Variants in CACNA1C observed in about 807,000 individuals in gnomAD.
CACNA1C encodes calcium voltage-gated channel subunit alpha1 C, also known as voltage-dependent L-type calcium channel subunit alpha-1C.
CACNA1C carries 30 observed loss-of-function variants against 229.0 expected under a neutral mutation model. That is an observed-to-expected ratio of 0.13 (90% CI 0.10 to 0.18). The LOEUF is 0.18. CACNA1C is among the 10% of genes least tolerant of loss of function. CACNA1C has a pLI of 1.00. For missense variants in CACNA1C, 1,658 were observed against 2,845.0 expected, an observed-to-expected ratio of 0.58 and a Z score of 9.49; for synonymous variants, 1,114 against 1,132.5, an observed-to-expected ratio of 0.98 and a Z score of 0.33.
intron 3 of CACNA1C, among the ~76,000 whole-genome samples, chr12:2,302,804 T>A (rs1251204343): frequency 6.6e-6 from 1 of 152,212 alleles, no homozygotes; most frequent in African/African-American, 2.4e-5. Context: ...ATGAGAAGAA[T>A]GGTATTTTGG....
At chr12:2,345,774 T>C (rs73605779) in intron 3 of CACNA1C, among the ~76,000 whole-genome samples, 3,062 of 152,224 alleles carry the variant, frequency 0.02, 112 homozygotes, top group African/African-American at 0.07. Flanking sequence ...GGTGACTGAA[T>C]GGGGTGGGTC....
At chr12:2,623,040 A>G (rs530330703) in intron 29 of CACNA1C, among the ~76,000 whole-genome samples, 49 of 152,278 alleles carry the variant, frequency 3.2e-4, no homozygotes, top group African/African-American at 1.2e-3. Context: ...GAAATGCCTT[A>G]AAATCTTTTG....
chr12:2,608,410 T>G lies in CACNA1C; in HGVS notation c.3357-101T>G. 1 of 876,310 alleles carries G rather than the reference T, an allele frequency of 1.1e-6. No homozygotes were observed. Among genetic ancestry groups the G allele is most frequent in the Non-Finnish European group, 1.7e-6 (1 of 573,146 alleles). The allele number at this position is 876,310 out of a possible 1,614,324, so 54.3% of individuals were successfully genotyped here. Reference sequence around the variant, plus strand: ...GGGACTCCAGCCCAGAGCTGTCTCCTGCACCCTGATCCCTGGGATCCCTGG... The same window carrying G: ...GGGACTCCAGCCCAGAGCTGTCTCCGGCACCCTGATCCCTGGGATCCCTGG... On this transcript the variant is annotated intron_variant, in intron 26 of 46. Coordinates refer to ENST00000399655, the MANE Select transcript of CACNA1C (RefSeq NM_000719.7). The surrounding 1 kb of genome is among the most constrained non-coding windows in gnomAD (Gnocchi z 4.2).
chr12:2,243,390 C>G (rs900644943), intron 3 of CACNA1C, among the ~76,000 whole-genome samples: 9 of 152,200 alleles, frequency 5.9e-5, no homozygotes, highest in African/African-American at 2.2e-4. Context: ...CAAAGCTGGG[C>G]TGTGCCTGAG....
At chr12:2,491,972 C>G (rs2099736102) in intron 6 of CACNA1C, among the ~76,000 whole-genome samples, 1 of 148,876 alleles carries the variant, frequency 6.7e-6, no homozygotes, top group Non-Finnish European at 1.5e-5. Context: ...TTCTCTCTCT[C>G]TCTCTCTCTC....
chr12:2,129,755 C>G (rs1434962277), intron 3 of CACNA1C, among the ~76,000 whole-genome samples: 1 of 152,162 alleles, frequency 6.6e-6, no homozygotes, highest in Admixed American at 6.5e-5. Context: ...GGTCCCGGAA[C>G]GTCCTGACCT....
chr12:2,298,344 G>A (rs1397706677), intron 3 of CACNA1C, among the ~76,000 whole-genome samples: 1 of 151,890 alleles, frequency 6.6e-6, no homozygotes, highest in Non-Finnish European at 1.5e-5. Context: ...CTGTTGCCAG[G>A]CTGGAGTGCA....
intron 29 of CACNA1C, among the ~76,000 whole-genome samples, chr12:2,620,308 C>G (rs1180464599): frequency 6.6e-6 from 1 of 152,074 alleles, no homozygotes; most frequent in Admixed American, 6.5e-5. Context: ...TTGTAAAAAT[C>G]CTGGGATTCT....
At chr12:2,234,008 G>A (rs2066339368) in intron 3 of CACNA1C, among the ~76,000 whole-genome samples, 1 of 152,062 alleles carries the variant, frequency 6.6e-6, no homozygotes, top group Non-Finnish European at 1.5e-5. Flanking sequence ...AATACAATCT[G>A]GCATTATTCC....
chr12:2,398,601 C>T (rs1223673574), intron 3 of CACNA1C, among the ~76,000 whole-genome samples: 2 of 152,180 alleles, frequency 1.3e-5, no homozygotes, highest in Non-Finnish European at 2.9e-5. Context: ...GAGTTGTCAT[C>T]ATTGACTGAG....
At chr12:2,368,501 A>C (rs189271410) in intron 3 of CACNA1C, among the ~76,000 whole-genome samples, 156 of 152,362 alleles carry the variant, frequency 1.0e-3, no homozygotes, top group African/African-American at 3.2e-3. Context: ...TGGAAAATAA[A>C]ATGGAAAAGA....
At chr12:2,641,787 G>T in intron 30 of CACNA1C, 1 of 702,260 alleles carries the variant, frequency 1.4e-6, no homozygotes, top group Non-Finnish European at 2.6e-6. Flanking sequence ...TGACCCCTGA[G>T]TGGGGAGATT....
intron 3 of CACNA1C, among the ~76,000 whole-genome samples, chr12:2,252,184 T>C (rs2075824106): frequency 1.3e-5 from 2 of 152,184 alleles, no homozygotes; most frequent in Non-Finnish European, 2.9e-5. Context: ...TTAAAATGAG[T>C]GCTGTAACCC....
At chr12:2,640,606 A>G (rs892355826) in intron 30 of CACNA1C, among the ~76,000 whole-genome samples, 1 of 152,120 alleles carries the variant, frequency 6.6e-6, no homozygotes, top group African/African-American at 2.4e-5. Context: ...GACTGGGAGG[A>G]GGGGGGCCAG....
intron 3 of CACNA1C, among the ~76,000 whole-genome samples, chr12:2,409,069 A>G (rs2098774835): frequency 1.3e-5 from 2 of 152,188 alleles, no homozygotes; most frequent in South Asian, 4.1e-4. Flanking sequence ...TTGTCCTGTT[A>G]GTGTCTTCAG....
intron 4 of CACNA1C, among the ~76,000 whole-genome samples, chr12:2,450,353 G>A (rs181551736): frequency 0.015 from 2,205 of 151,946 alleles, 28 homozygotes; most frequent in Middle Eastern, 0.031. Context: ...AGGAGATCGA[G>A]ACCATCCTGG....
At chr12:2,289,412 T>C (rs930123382) in intron 3 of CACNA1C, among the ~76,000 whole-genome samples, 2 of 152,144 alleles carry the variant, frequency 1.3e-5, no homozygotes, top group African/African-American at 4.8e-5. Context: ...AACTCACTTT[T>C]AGAACCATCA....
Position 1,990,509 on chromosome 12 carries a change from C to T in CACNA1C, c.139+19308C>T, listed in dbSNP as rs572207416. On this transcript the variant is annotated intron_variant, in intron 1 of 46. Coordinates refer to the CACNA1C transcript ENST00000682462. ...TTGGGATTTTCATTTCTTTATTTTG[C>T]TCTTCTACATTCATCCAATTCAAGA... 3.3e-5 allele frequency among the ~76,000 whole-genome samples: 5 copies of T among 152,142 alleles called. No homozygotes were observed. The South Asian group carries it at 1.0e-3, about 32-fold the overall frequency.
At chr12:2,580,135 T>C (rs1304247807) in intron 13 of CACNA1C, among the ~76,000 whole-genome samples, 1 of 152,128 alleles carries the variant, frequency 6.6e-6, no homozygotes, top group African/African-American at 2.4e-5. Flanking sequence ...CGTCTAAAAT[T>C]TAGAGCCTAT....
Sources: allele counts gnomAD v4.1 joint callset (sites outside exome capture counted in the v4.1 genomes callset), GRCh38; gene constraint gnomAD v4.1.1; non-coding constraint Gnocchi (gnomAD v3.1); transcripts MANE v1.5; gene names NCBI Gene and HGNC (gene_info 2026-07-23, HGNC 2026-07-21).